The following GOLPH3L variants were observed in gnomAD, a reference collection of about 807,000 sequenced individuals.
GOLPH3L encodes Golgi phosphoprotein 3-like.
Under a neutral mutation model 30.3 loss-of-function variants are expected in GOLPH3L, and 22 were observed. The ratio of observed to expected loss-of-function variants is 0.73; its 90% confidence interval spans 0.52 to 1.04. GOLPH3L has a LOEUF of 1.04. Among genes scored for constraint, GOLPH3L ranks in the 50% least tolerant of loss-of-function variants. GOLPH3L has a pLI of 0.00. For missense variants in GOLPH3L, 303 were observed against 345.8 expected (o/e 0.88, Z 0.98); for synonymous variants, 120 against 128.2 (o/e 0.94, Z 0.43).
chr1:150,662,546 G>A (rs1320711219), intron 3 of GOLPH3L, among the ~76,000 whole-genome samples: 1 of 152,054 alleles, frequency 6.6e-6, no homozygotes, highest in Non-Finnish European at 1.5e-5. Flanking sequence ...GGAAAAACAA[G>A]ACCTGCCTAG....
chr1:150,648,916 T>C (rs1193447993), intron 4 of GOLPH3L, among the ~76,000 whole-genome samples, 168 bp from the exon 5 acceptor site: 3 of 152,246 alleles, frequency 2.0e-5, no homozygotes, highest in Admixed American at 6.5e-5. Flanking sequence ...CAACCACATT[T>C]CACATTAAAC....
intron 1 of GOLPH3L, among the ~76,000 whole-genome samples, chr1:150,695,205 T>A (rs1279443153): frequency 6.6e-6 from 1 of 152,162 alleles, no homozygotes; most frequent in Non-Finnish European, 1.5e-5. Context: ...GGTGCGATGT[T>A]GGCTCACTGC....
At chr1:150,667,226 T>A (rs587744524) in intron 2 of GOLPH3L, among the ~76,000 whole-genome samples, 1 of 152,200 alleles carries the variant, frequency 6.6e-6, no homozygotes, top group African/African-American at 2.4e-5. Flanking sequence ...AATTTTGGTG[T>A]TTGGGGGCCC....
At chr1:150,665,093 T>G (rs1650466799) in intron 2 of GOLPH3L, among the ~76,000 whole-genome samples, 1 of 152,140 alleles carries the variant, frequency 6.6e-6, no homozygotes, top group African/African-American at 2.4e-5. Context: ...TGCTAATACT[T>G]ATTATGTACT....
Position 150,648,258 on chromosome 1 carries a change from C to G in GOLPH3L, c.*63G>C. 3.5e-6 allele frequency: 4 copies of G among 1,142,284 alleles called. No individual in the cohort carries two copies. Among genetic ancestry groups the G allele is most frequent in the Non-Finnish European group, 5.0e-6 (4 of 793,812 alleles). 70.8% of individuals were successfully genotyped at this position (1,142,284 alleles called of 1,614,324 possible). On this transcript the variant is annotated 3_prime_UTR_variant, in exon 5 of 5. Transcript: ENST00000271732. Reference sequence around the variant, plus strand: ...TGAAAACATCTCATCACACAAAACTCAGTGATGGGGTCTCTGACAGTCACC... The same window carrying G: ...TGAAAACATCTCATCACACAAAACTGAGTGATGGGGTCTCTGACAGTCACC...
chr1:150,676,911 C>G (rs1449497232), intron 2 of GOLPH3L, among the ~76,000 whole-genome samples: 1 of 152,010 alleles, frequency 6.6e-6, no homozygotes, highest in African/African-American at 2.4e-5. Flanking sequence ...CCAAAAAATG[C>G]TGGGATTACA....
chr1:150,675,960 C>G (rs1171231475), intron 2 of GOLPH3L, among the ~76,000 whole-genome samples: 1 of 150,276 alleles, frequency 6.7e-6, no homozygotes, highest in African/African-American at 2.4e-5. Context: ...GAACTCCTCC[C>G]TCCCTCCCTC....
At position 150,648,486 on chromosome 1, in the gene GOLPH3L, G is replaced by A; in HGVS notation, c.693C>T (p.Ser231=). 2 of 1,613,970 alleles carry A rather than the reference G, an allele frequency of 1.2e-6. No individual in the cohort carries two copies. Among genetic ancestry groups the A allele is most frequent in the Non-Finnish European group, 8.5e-7 (1 of 1,179,846 alleles). The change falls in exon 5 of 5, where the codon TCC becomes TCT. Residue 231 remains serine, a synonymous_variant. Transcript: ENST00000271732. The part of the protein sequence containing the change: ...RTLALLVLAH[S]SDVLENVFSS... ...AGAAGACATTCTCTAGCACATCAGA[G>A]GAGTGGGCTAGCACCAGGAGTGCTA...
chr1:150,654,466 C>T (rs1333754613), intron 4 of GOLPH3L, among the ~76,000 whole-genome samples: 4 of 151,220 alleles, frequency 2.6e-5, no homozygotes, highest in South Asian at 2.1e-4. Flanking sequence ...AAGATTGTGC[C>T]ACTGCACTCC....
chr1:150,691,357 A>C (rs1016249119), intron 2 of GOLPH3L, among the ~76,000 whole-genome samples: 2 of 152,032 alleles, frequency 1.3e-5, no homozygotes, highest in African/African-American at 4.8e-5. Flanking sequence ...CTCTACTAAA[A>C]ATACAAAAAT....
At chr1:150,664,170 A>T (rs1053842833) in intron 2 of GOLPH3L, among the ~76,000 whole-genome samples, 2 of 151,340 alleles carry the variant, frequency 1.3e-5, no homozygotes, top group African/African-American at 4.9e-5. Flanking sequence ...GGCTGTTTTT[A>T]AAAAAAATTT....
At chr1:150,681,948 C>A (rs1241139937) in intron 2 of GOLPH3L, among the ~76,000 whole-genome samples, 4 of 151,986 alleles carry the variant, frequency 2.6e-5, no homozygotes, top group Admixed American at 2.6e-4. Flanking sequence ...CGCCTGTAAT[C>A]CCATCTACTC....
At chr1:150,652,993 C>A (rs74757573) in intron 4 of GOLPH3L, among the ~76,000 whole-genome samples, 1 of 151,602 alleles carries the variant, frequency 6.6e-6, no homozygotes, top group African/African-American at 2.4e-5. Context: ...AGATGTAATA[C>A]GTGTAACAAT....
intron 4 of GOLPH3L, among the ~76,000 whole-genome samples, chr1:150,659,905 C>G (rs587641301): frequency 6.6e-6 from 1 of 151,870 alleles, no homozygotes; most frequent in African/African-American, 2.4e-5. Flanking sequence ...TGTGATGGTG[C>G]GCACCCATAG....
rs199698319 is a variant in GOLPH3L, at chr1:150,658,277, C to T, written c.430+3537G>A. ...ATGGAGGAAGAAAACCTGAGGAAAT[C>T]GGGACAACCAGTCGCAATGAGTAAT... is the stretch of plus-strand genomic sequence containing the variant. On this transcript the variant is annotated intron_variant, in intron 4 of 4. Coordinates refer to ENST00000271732, the MANE Select transcript of GOLPH3L (RefSeq NM_018178.6). Among the ~76,000 whole-genome samples, 23 of 152,282 alleles carry T rather than the reference C, an allele frequency of 1.5e-4. No homozygotes were observed. In the East Asian group the frequency reaches 3.9e-3, roughly 26 times the overall value.
intron 3 of GOLPH3L, among the ~76,000 whole-genome samples, chr1:150,663,000 C>T (rs1243449373): frequency 6.6e-6 from 1 of 151,890 alleles, no homozygotes; most frequent in Non-Finnish European, 1.5e-5. Context: ...TGACCTGACC[C>T]ATATGAGTCC....
chr1:150,677,212 A>G lies in GOLPH3L; in HGVS notation c.184-13449T>C, dbSNP rs587755960. Among the ~76,000 whole-genome samples the G allele has an allele frequency of 1.5e-3, 230 of 152,132 alleles. 4 individuals are homozygous for G. The highest frequency in any genetic ancestry group is 6.8e-3 in the Middle Eastern group (2 of 294). ...CAGCCTCCTGAGTAGCTGGGATTAC[A>G]GGCATGAGCCACCGTGCCTGGCCTA... On this transcript the variant is annotated intron_variant, in intron 2 of 4. Coordinates refer to ENST00000271732, the MANE Select transcript of GOLPH3L (RefSeq NM_018178.6).
chr1:150,666,540 G>A (rs887922512), intron 2 of GOLPH3L, among the ~76,000 whole-genome samples: 2 of 152,000 alleles, frequency 1.3e-5, no homozygotes, highest in South Asian at 4.2e-4. Context: ...GTTTTATCAT[G>A]TTGGCCAGGC....
chr1:150,685,619 G>A (rs1651064403), intron 2 of GOLPH3L, among the ~76,000 whole-genome samples: 1 of 152,000 alleles, frequency 6.6e-6, no homozygotes, highest in Admixed American at 6.6e-5. Flanking sequence ...GGAGGCTGAG[G>A]CAAGAGAATT....
Sources: allele counts gnomAD v4.1 joint callset (sites outside exome capture counted in the v4.1 genomes callset), GRCh38; gene constraint gnomAD v4.1.1; transcripts MANE v1.5; gene names NCBI Gene and HGNC (gene_info 2026-07-23, HGNC 2026-07-21).